Variants in ZMIZ1 observed in about 807,000 individuals in gnomAD.
ZMIZ1 encodes zinc finger MIZ domain-containing protein 1.
Under a neutral mutation model 113.9 loss-of-function variants are expected in ZMIZ1, and 17 were observed. The observed-to-expected ratio is 0.15, with a 90% CI of 0.10 to 0.22. The LOEUF is 0.22. Among genes scored for constraint, ZMIZ1 ranks in the 10% least tolerant of loss-of-function variants. The pLI is 1.00. For synonymous variants in ZMIZ1, 607 were observed against 603.1 expected, an observed-to-expected ratio of 1.01 and a Z score of -0.09; for missense variants, 1,059 against 1,477.8, an observed-to-expected ratio of 0.72 and a Z score of 4.65.
At chr10:79,215,046 T>A (rs995102377) in intron 6 of ZMIZ1, among the ~76,000 whole-genome samples, 9 of 152,122 alleles carry the variant, frequency 5.9e-5, no homozygotes, top group African/African-American at 2.2e-4. Flanking sequence ...TTCTGAGATT[T>A]TAAGGAGATG....
intron 7 of ZMIZ1, among the ~76,000 whole-genome samples, chr10:79,254,191 G>A (rs543886717): frequency 7.9e-5 from 12 of 152,332 alleles, no homozygotes; most frequent in African/African-American, 2.6e-4. Context: ...CCCCTAATTA[G>A]GCAGCCAGGG....
At chr10:79,257,612 A>T (rs1259154425) in intron 7 of ZMIZ1, among the ~76,000 whole-genome samples, 1 of 152,244 alleles carries the variant, frequency 6.6e-6, no homozygotes, top group Non-Finnish European at 1.5e-5. Context: ...CAGGCCTCAC[A>T]GACCATGGTG....
chr10:79,077,346 G>A (rs376161315), intron 1 of ZMIZ1, among the ~76,000 whole-genome samples: 25 of 152,320 alleles, frequency 1.6e-4, no homozygotes, highest in African/African-American at 5.5e-4. Flanking sequence ...CCTGGTGTGT[G>A]CAAGTGGGAC....
At chr10:79,211,384 G>T (rs1384078279) in intron 6 of ZMIZ1, among the ~76,000 whole-genome samples, 2 of 151,858 alleles carry the variant, frequency 1.3e-5, no homozygotes, top group African/African-American at 2.4e-5. Context: ...GAATGTGGGA[G>T]GTAGGTCCCA....
At chr10:79,289,722 C>A in intron 8 of ZMIZ1, 53 bp from the exon 9 acceptor site, 1 of 1,549,980 alleles carries the variant, frequency 6.5e-7, no homozygotes, top group Non-Finnish European at 8.9e-7. Flanking sequence ...CATGGCCTGT[C>A]TTGAGTCTGT....
chr10:79,292,034 A>C, intron 10 of ZMIZ1, 124 bp from the exon 11 acceptor site: 1 of 971,004 alleles, frequency 1.0e-6, no homozygotes, highest in Non-Finnish European at 1.6e-6. Flanking sequence ...TGCCAATCCC[A>C]AGAGGCCCCG....
intron 7 of ZMIZ1, among the ~76,000 whole-genome samples, chr10:79,247,204 G>A (rs1269660997): frequency 1.3e-5 from 2 of 152,200 alleles, no homozygotes; most frequent in Non-Finnish European, 2.9e-5. Context: ...GGCCCATCAG[G>A]GCAGCTTGAG....
chr10:79,297,884 G>A (rs1035534807), intron 14 of ZMIZ1, among the ~76,000 whole-genome samples, 194 bp downstream of exon 14: 2 of 152,154 alleles, frequency 1.3e-5, no homozygotes. Flanking sequence ...TGAGCCCCAG[G>A]GTAAAGTGTC....
chr10:79,202,710 G>T (rs1033609314), intron 5 of ZMIZ1, among the ~76,000 whole-genome samples: 3 of 152,250 alleles, frequency 2.0e-5, no homozygotes, highest in Non-Finnish European at 1.5e-5. Context: ...CCAAGCGGTG[G>T]CCAGGAGTGA....
chr10:79,311,509 C>T (rs985970511), intron 24 of ZMIZ1, among the ~76,000 whole-genome samples: 1 of 152,188 alleles, frequency 6.6e-6, no homozygotes, highest in African/African-American at 2.4e-5. Context: ...CGATGGTGAG[C>T]TTGCGGTTTC....
intron 23 of ZMIZ1, among the ~76,000 whole-genome samples, chr10:79,307,816 C>T (rs935975136): frequency 6.6e-6 from 1 of 152,022 alleles, no homozygotes; most frequent in Non-Finnish European, 1.5e-5. Context: ...TTCCCCAAAC[C>T]CTCACCACCC....
At chr10:79,231,543 C>A (rs1282865775) in intron 7 of ZMIZ1, among the ~76,000 whole-genome samples, 1 of 151,918 alleles carries the variant, frequency 6.6e-6, no homozygotes, top group Non-Finnish European at 1.5e-5. Flanking sequence ...CATGCCCAGC[C>A]TAGGAAGCCT....
At chr10:79,134,205 C>G (rs572646243) in intron 2 of ZMIZ1, among the ~76,000 whole-genome samples, 2 of 152,048 alleles carry the variant, frequency 1.3e-5, no homozygotes, top group Non-Finnish European at 2.9e-5. Context: ...GGGCTCAGGG[C>G]GGGGTAGGGG....
intron 1 of ZMIZ1, among the ~76,000 whole-genome samples, chr10:79,103,932 T>C (rs1843461391): frequency 6.6e-6 from 1 of 152,208 alleles, no homozygotes; most frequent in African/African-American, 2.4e-5. Flanking sequence ...CCATTTGCCA[T>C]TGGCTGGATG....
chr10:79,184,778 C>A (rs1009506020), intron 4 of ZMIZ1, among the ~76,000 whole-genome samples: 45 of 152,224 alleles, frequency 3.0e-4, no homozygotes, highest in African/African-American at 1.0e-3. Flanking sequence ...ATCCAGTTCC[C>A]CTGTGCCAGC....
Position 79,312,943 on chromosome 10 carries a change from C to T in ZMIZ1, c.*194C>T. 1 of 593,600 alleles carries T rather than the reference C, an allele frequency of 1.7e-6. No homozygotes were observed. The highest frequency in any genetic ancestry group is 3.0e-6 in the Non-Finnish European group (1 of 335,158). The allele number at this position is 593,600 out of a possible 1,614,324, so 36.8% of individuals were successfully genotyped here. The stretch of plus-strand genomic sequence containing the variant: ...AGGGTGCACCAGTGCACCAGGAAGG[C>T]TGTGTGGGTCTGGAGCCCACGTCCC... On this transcript the variant is annotated 3_prime_UTR_variant, in exon 25 of 25. Transcript: ENST00000334512.
intron 4 of ZMIZ1, among the ~76,000 whole-genome samples, chr10:79,188,686 G>A (rs1478582285): frequency 1.5e-5 from 2 of 132,354 alleles, no homozygotes; most frequent in Admixed American, 9.9e-5. Context: ...TGCCTCTTCT[G>A]TGTCTCTCCT....
intron 1 of ZMIZ1, among the ~76,000 whole-genome samples, chr10:79,102,786 A>T (rs994673053): frequency 2.0e-5 from 3 of 152,206 alleles, no homozygotes; most frequent in African/African-American, 7.2e-5. Context: ...AAGTGGGATC[A>T]TTCCCAACCT....
In ZMIZ1 at chr10:79,298,520, G is replaced by A. The variant is rs751935868; in HGVS notation, c.1606G>A (p.Val536Ile). The A allele has an allele frequency of 4.4e-5, 70 of 1,600,928 alleles. No homozygotes were observed. Among genetic ancestry groups the A allele is most frequent in the Admixed American group, 3.1e-4 (18 of 58,084 alleles). ...TCCATACCTGTCCCCCAGCCAAGAC[G>A]TCAAACCACCCTTCCCGCCTGACAT... ...IPPYLSPSQDVKPPFPPDIKP... is the reference protein window; with the variant it reads ...IPPYLSPSQDIKPPFPPDIKP... Residue 536 changes from valine to isoleucine, a missense_variant, in exon 15 of 25, where the codon GTC (valine) becomes ATC (isoleucine). Val to Ile is a conservative substitution (Grantham distance 29). This residue lies in a region of ZMIZ1 where 239 missense variants were observed against 247.5 expected (regional missense o/e 0.97). Transcript: ENST00000334512.
Sources: allele counts gnomAD v4.1 joint callset (sites outside exome capture counted in the v4.1 genomes callset), GRCh38; gene constraint gnomAD v4.1.1; regional missense constraint gnomAD v4.1.1; transcripts MANE v1.5; gene names NCBI Gene and HGNC (gene_info 2026-07-23, HGNC 2026-07-21).